The following OR56A4 variants were observed in gnomAD, a reference collection of about 807,000 sequenced individuals.
OR56A4 encodes olfactory receptor 56A4.
A neutral mutation model predicts 13.6 loss-of-function variants in OR56A4; 9 were observed. The ratio of observed to expected loss-of-function variants is 0.66; its 90% confidence interval spans 0.40 to 1.15. OR56A4 has a LOEUF of 1.15. Ranked by LOEUF, OR56A4 falls within the 50% of genes most tolerant of loss-of-function variation. OR56A4 has a pLI of 0.01. For missense variants in OR56A4, 380 were observed against 375.9 expected (o/e 1.01, Z -0.09); for synonymous variants, 167 against 153.9 (o/e 1.08, Z -0.63).
chr11:6,000,017 AC>A lies in OR56A4; in HGVS notation c.*2033del, dbSNP rs1236457134. ...GGAACACTTTTACACTGTTGGTGGC[AC>A]TGTAAACTAGTTCAACCATTGTGGA... On this transcript the variant is annotated 3_prime_UTR_variant, in exon 3 of 3. Coordinates refer to ENST00000641156, the MANE Select transcript of OR56A4 (RefSeq NM_001005179.4). The A allele has an allele frequency of 1.3e-5, 2 of 152,234 alleles. No individual in the cohort carries two copies. Among genetic ancestry groups the A allele is most frequent in the Non-Finnish European group, 2.9e-5 (2 of 68,040 alleles). 9.4% of individuals were successfully genotyped at this position (152,234 alleles called of 1,614,324 possible).
chr11:6,000,292 G>C lies in OR56A4; in HGVS notation c.*1759C>G, dbSNP rs1315331295. 6.6e-6 allele frequency: 1 copy of C among 152,216 alleles called. No individual in the cohort carries two copies. The highest frequency in any genetic ancestry group is 2.4e-5 in the African/African-American group (1 of 41,454). 9.4% of individuals were successfully genotyped at this position (152,216 alleles called of 1,614,324 possible). A position where few individuals can be genotyped will look rare whatever the true frequency, so the allele number is the denominator to read the frequency against. The stretch of plus-strand genomic sequence containing the variant: ...GGAATACTATGCAGCCATAAAAAAT[G>C]ATGAGTTCATGTCCTTGGTAGGGAC... On this transcript the variant is annotated 3_prime_UTR_variant, in exon 3 of 3. Coordinates refer to ENST00000641156, the MANE Select transcript of OR56A4 (RefSeq NM_001005179.4).
intron 2 of OR56A4, among the ~76,000 whole-genome samples, chr11:6,004,643 TTAAAAC>T (rs1848243933): frequency 2.6e-5 from 4 of 152,260 alleles, no homozygotes; most frequent in Admixed American, 2.6e-4. Context: ...AATTCAGGAG[TTAAAAC>T]TGGAATAGGC....
In OR56A4 at chr11:6,002,224, C is replaced by G. The variant is rs1407041414; in HGVS notation, c.769G>C (p.Val257Leu). Reference sequence around the variant, plus strand: ...TTAGTGATGACCAGAACCAGCAGGACTGTGCTGAAGAAGAGGATGAGGATG... The same window carrying G: ...TTAGTGATGACCAGAACCAGCAGGAGTGTGCTGAAGAAGAGGATGAGGATG... ...HFILILFFST[V>L]LLVLVITNLA... The change falls in exon 3 of 3, where the codon GTC becomes CTC. Residue 257 changes from valine (V) to leucine (L), a missense_variant. Coordinates refer to ENST00000641156, the MANE Select transcript of OR56A4 (RefSeq NM_001005179.4). 1 of 1,614,086 alleles carries G rather than the reference C, an allele frequency of 6.2e-7. No homozygotes were observed. Among genetic ancestry groups the G allele is most frequent in the Non-Finnish European group, 8.5e-7 (1 of 1,179,972 alleles).
rs1200299956 is a variant in OR56A4, at chr11:6,000,249, G to A, written c.*1802C>T. 6.6e-6 allele frequency: 1 copy of A among 151,874 alleles called. No homozygotes were observed. Among genetic ancestry groups the A allele is most frequent in the Admixed American group, 6.6e-5 (1 of 15,258 alleles). 9.4% of individuals were successfully genotyped at this position (151,874 alleles called of 1,614,324 possible). ...CAATGGTAGACTGGATTAAGAAAATGTGGCACATCTACACCATGGAATACT... is the reference window on the plus strand; with the variant it reads ...CAATGGTAGACTGGATTAAGAAAATATGGCACATCTACACCATGGAATACT... On this transcript the variant is annotated 3_prime_UTR_variant, in exon 3 of 3. Coordinates refer to ENST00000641156, the MANE Select transcript of OR56A4 (RefSeq NM_001005179.4).
chr11:6,002,276 C>T lies in OR56A4; in HGVS notation c.717G>A (p.Lys239=), dbSNP rs1367802132. Residue 239 remains lysine, a synonymous_variant, in exon 3 of 3, where the codon AAG becomes AAA. Transcript: ENST00000641156. ...AGTGGGAACCACACGTGCTCAAGGC[C>T]TTGGCCACAGCACCCTCGGCCTTGA... is the stretch of plus-strand genomic sequence containing the variant. ...LRIKAEGAVA[K]ALSTCGSHFI... The T allele has an allele frequency of 6.2e-7, 1 of 1,614,206 alleles. No individual in the cohort carries two copies. Among genetic ancestry groups the T allele is most frequent in the Admixed American group, 1.7e-5 (1 of 60,034 alleles).
At chr11:6,004,615 G>T (rs1015846212) in intron 2 of OR56A4, among the ~76,000 whole-genome samples, 1 of 152,058 alleles carries the variant, frequency 6.6e-6, no homozygotes, top group African/African-American at 2.4e-5. Context: ...CCATTGTAGG[G>T]CCTTAAAACA....
Position 6,006,365 on chromosome 11 carries a change from G to C in OR56A4, c.-153C>G, listed in dbSNP as rs368739896. 4 of 152,118 alleles carry C rather than the reference G, an allele frequency of 2.6e-5. No individual in the cohort carries two copies. Among genetic ancestry groups the C allele is most frequent in the Non-Finnish European group, 5.9e-5 (4 of 68,030 alleles). The allele number at this position is 152,118 out of a possible 1,614,324, so 9.4% of individuals were successfully genotyped here. A position where few individuals can be genotyped will look rare whatever the true frequency, so the allele number is the denominator to read the frequency against. ...GTTGACCATCTGGGGCATTGTTTTC[G>C]ATCTTCAGTATGCCAACTCCATCAG... On this transcript the variant is annotated 5_prime_UTR_variant, in exon 2 of 3. In the 5' UTR this introduces an upstream ATG that the reference lacks. Transcript: ENST00000641156.
intron 2 of OR56A4, among the ~76,000 whole-genome samples, chr11:6,004,860 G>A (rs1455514836): frequency 1.3e-5 from 2 of 152,134 alleles, no homozygotes; most frequent in African/African-American, 4.8e-5. Flanking sequence ...TTCCTCGTCA[G>A]AATGCTAAAG....
Position 6,001,799 on chromosome 11 carries a change from G to A in OR56A4, c.*252C>T, listed in dbSNP as rs575400793. The A allele has an allele frequency of 1.3e-5, 5 of 398,882 alleles. No individual in the cohort carries two copies. The highest frequency in any genetic ancestry group is 1.4e-4 in the South Asian group (2 of 14,434). 24.7% of individuals were successfully genotyped at this position (398,882 alleles called of 1,614,324 possible). A position where few individuals can be genotyped will look rare whatever the true frequency, so the allele number is the denominator to read the frequency against. On this transcript the variant is annotated 3_prime_UTR_variant, in exon 3 of 3. Transcript: ENST00000641156. ...TGTCAAAGTCTTGGCAAGATTCTTTGTTGCAGATTAGATCAGGAAAAATTC... is the reference window on the plus strand; with the variant it reads ...TGTCAAAGTCTTGGCAAGATTCTTTATTGCAGATTAGATCAGGAAAAATTC...
chr11:6,003,876 C>G (rs549428205), intron 2 of OR56A4, among the ~76,000 whole-genome samples: 11 of 152,266 alleles, frequency 7.2e-5, no homozygotes, highest in Admixed American at 2.0e-4. Context: ...GTAAAATTAC[C>G]TATTCTTCCT....
At chr11:6,003,284 G>C (rs1848232667) in intron 2 of OR56A4, 1 of 548,888 alleles carries the variant, frequency 1.8e-6, no homozygotes, top group Non-Finnish European at 3.0e-6. Flanking sequence ...ATAAAATAGA[G>C]ATAAGGGAAA....
intron 2 of OR56A4, among the ~76,000 whole-genome samples, chr11:6,004,136 G>C (rs977361970): frequency 2.0e-4 from 31 of 152,160 alleles, no homozygotes; most frequent in African/African-American, 7.2e-4. Context: ...GGCAGATCAT[G>C]AGGTCAGGAG....
At position 5,999,608 on chromosome 11, in the gene OR56A4, A is replaced by C. The variant is rs1018542464; in HGVS notation, c.*2443T>G. 2.0e-4 allele frequency: 30 copies of C among 152,340 alleles called. No individual in the cohort carries two copies. The highest frequency in any genetic ancestry group is 7.0e-4 in the African/African-American group (29 of 41,582). 9.4% of individuals were successfully genotyped at this position (152,340 alleles called of 1,614,324 possible). On this transcript the variant is annotated 3_prime_UTR_variant, in exon 3 of 3. Coordinates refer to ENST00000641156, the MANE Select transcript of OR56A4 (RefSeq NM_001005179.4). The stretch of plus-strand genomic sequence containing the variant: ...GGTTCATTTTGTGCTGGCTAAAAAT[A>C]TGGCTCTCTGTTAGGTACTATAAGG...
chr11:6,005,134 G>T (rs1471337960), intron 2 of OR56A4, among the ~76,000 whole-genome samples: 3 of 152,126 alleles, frequency 2.0e-5, no homozygotes, highest in East Asian at 3.8e-4. Context: ...ATATTGCCCA[G>T]TTTTCTCACA....
chr11:6,004,572 A>T (rs1011099290), intron 2 of OR56A4, among the ~76,000 whole-genome samples: 2 of 152,216 alleles, frequency 1.3e-5, no homozygotes, highest in African/African-American at 4.8e-5. Flanking sequence ...CTAAACATAA[A>T]TTATACAATA....
chr11:6,001,395 GAAGA>G lies in OR56A4; in HGVS notation c.*652_*655del, dbSNP rs1192739898. On this transcript the variant is annotated 3_prime_UTR_variant, in exon 3 of 3. Transcript: ENST00000641156. ...CAACCTCATTTACAAACCAAAAACTGAAGAAAGAAAATCTAAGTAGAGAGAAAGA... is the reference window on the plus strand; with the variant it reads ...CAACCTCATTTACAAACCAAAAACTGAAGAAAATCTAAGTAGAGAGAAAGA... The G allele has an allele frequency of 1.3e-5, 2 of 152,250 alleles. No homozygotes were observed. The highest frequency in any genetic ancestry group is 2.9e-5 in the Non-Finnish European group (2 of 68,092). The allele number at this position is 152,250 out of a possible 1,614,324, so 9.4% of individuals were successfully genotyped here.
intron 2 of OR56A4, 69 bp from the exon 3 acceptor site, chr11:6,003,097 C>G (rs1436250647): frequency 6.2e-7 from 1 of 1,605,878 alleles, no homozygotes; most frequent in African/African-American, 1.3e-5. Flanking sequence ...TGTGGGTTTC[C>G]ACTGAGGCCC....
chr11:6,002,069 G>A lies in OR56A4; in HGVS notation c.924C>T (p.Asn308=), dbSNP rs768255706. ...TTTATTCTTACAACCTCTTCAGCAG[G>A]TTTTGGATTCCCTGCTTGATCTCCT... ...RTKEIKQGIQ[N]LLKRL The change falls in exon 3 of 3, where the codon AAC becomes AAT. Residue 308 remains asparagine (N), a synonymous_variant. Transcript: ENST00000641156. 6.3e-7 allele frequency: 1 copy of A among 1,594,096 alleles called. No homozygotes were observed. The highest frequency in any genetic ancestry group is 1.7e-5 in the Admixed American group (1 of 57,438).
At chr11:6,003,366 G>A (rs763067884) in intron 2 of OR56A4, among the ~76,000 whole-genome samples, 32 of 152,244 alleles carry the variant, frequency 2.1e-4, no homozygotes, top group Non-Finnish European at 2.8e-4. Flanking sequence ...ATTGTTGTGC[G>A]TTTATATGAT....
Sources: allele counts gnomAD v4.1 joint callset (sites outside exome capture counted in the v4.1 genomes callset), GRCh38; gene constraint gnomAD v4.1.1; transcripts MANE v1.5; gene names NCBI Gene and HGNC (gene_info 2026-07-23, HGNC 2026-07-21).